IRAK2: variants seen among roughly 807,000 people sequenced by gnomAD.
IRAK2 encodes interleukin-1 receptor-associated kinase-like 2.
IRAK2 carries 57 observed loss-of-function variants against 72.0 expected under a neutral mutation model. The ratio of observed to expected loss-of-function variants is 0.79; its 90% CI spans 0.64 to 0.99. IRAK2 has a LOEUF of 0.99. IRAK2 is among the 50% of genes least tolerant of loss of function. The pLI, the probability that IRAK2 is intolerant of heterozygous loss-of-function variation, is 0.00. For missense variants in IRAK2, 790 were observed against 794.4 expected, an observed-to-expected ratio of 0.99 and a Z score of 0.07; for synonymous variants, 293 against 312.7, an observed-to-expected ratio of 0.94 and a Z score of 0.67.
chr3:10,178,829 G>A (rs1696917975), intron 2 of IRAK2, among the ~76,000 whole-genome samples: 1 of 152,102 alleles, frequency 6.6e-6, no homozygotes, highest in Non-Finnish European at 1.5e-5. Context: ...TTGAGACAGG[G>A]TCGTGCTCTG....
intron 6 of IRAK2, among the ~76,000 whole-genome samples, chr3:10,213,976 T>C (rs1412561183): frequency 6.6e-6 from 1 of 152,068 alleles, no homozygotes; most frequent in Non-Finnish European, 1.5e-5. Flanking sequence ...TCTCCCAGGC[T>C]GGAGTGCAGT....
At chr3:10,200,320 T>C (rs766661342) in intron 2 of IRAK2, 49 bp from the exon 3 acceptor site, 1 of 1,505,130 alleles carries the variant, frequency 6.6e-7, no homozygotes, top group Non-Finnish European at 9.0e-7. Context: ...TCTCAATGGC[T>C]ACCCCACTTC....
intron 9 of IRAK2, 64 bp from the exon 10 acceptor site, chr3:10,226,307 A>G (rs981079631): frequency 1.5e-6 from 2 of 1,366,792 alleles, no homozygotes; most frequent in South Asian, 2.4e-5. Context: ...AGAAGACAGA[A>G]TCTGCTGCCT....
Position 10,213,334 on chromosome 3 carries a change from G to A in IRAK2, c.656G>A (p.Gly219Glu), listed in dbSNP as rs1435674751. Residue 219 changes from glycine to glutamate, a missense_variant, in exon 5 of 13, where the codon GGG (glycine) becomes GAG (glutamate). Transcript: ENST00000256458. Reference protein sequence around the residue: ...DFNQNRKISQGTFADVYRGHR... With the variant: ...DFNQNRKISQETFADVYRGHR... ...AATCAAAACCGCAAAATCAGCCAGG[G>A]GACCTTTGCTGACGTCTACAGAGGG... is the stretch of plus-strand genomic sequence containing the variant. 2 of 1,613,982 alleles carry A rather than the reference G, an allele frequency of 1.2e-6. No homozygotes were observed. The highest frequency in any genetic ancestry group is 2.7e-5 in the African/African-American group (2 of 74,898).
chr3:10,200,855 C>T (rs1697348665), intron 3 of IRAK2, among the ~76,000 whole-genome samples: 1 of 152,196 alleles, frequency 6.6e-6, no homozygotes, highest in South Asian at 2.1e-4. Flanking sequence ...GAGCTATGAT[C>T]ACACCACTGC....
intron 3 of IRAK2, among the ~76,000 whole-genome samples, chr3:10,202,272 G>C (rs1697370834): frequency 6.6e-6 from 1 of 152,216 alleles, no homozygotes; most frequent in South Asian, 2.1e-4. Context: ...CAGGATGGAA[G>C]AGGTAATAGG....
At chr3:10,240,531 T>G (rs111901236) in intron 12 of IRAK2, among the ~76,000 whole-genome samples, 1,028 of 52,600 alleles carry the variant, frequency 0.02, 48 homozygotes, top group African/African-American at 0.089. Flanking sequence ...AATAAAAAAT[T>G]AGGAAGCCCC....
intron 8 of IRAK2, among the ~76,000 whole-genome samples, chr3:10,220,684 A>T (rs1697674143): frequency 6.6e-6 from 1 of 151,504 alleles, no homozygotes; most frequent in South Asian, 2.1e-4. Context: ...CAGGTGATCC[A>T]CCCGCCTTGG....
chr3:10,239,325 A>G (rs563856104), intron 12 of IRAK2, among the ~76,000 whole-genome samples: 1 of 152,088 alleles, frequency 6.6e-6, no homozygotes, highest in Non-Finnish European at 1.5e-5. Context: ...TCCTGTCCTC[A>G]GGGGACTGCA....
At chr3:10,172,852 A>AG (rs1696819506) in intron 1 of IRAK2, among the ~76,000 whole-genome samples, 1 of 148,608 alleles carries the variant, frequency 6.7e-6, no homozygotes, top group African/African-American at 2.5e-5. Flanking sequence ...AAAAAAAAAA[A>AG]AAAAAAAAAG....
intron 12 of IRAK2, among the ~76,000 whole-genome samples, chr3:10,240,426 C>T (rs1698034118): frequency 6.6e-6 from 1 of 150,648 alleles, no homozygotes; most frequent in South Asian, 2.1e-4. Flanking sequence ...CACTGCACTC[C>T]AGCCTGGGTG....
At chr3:10,205,215 C>A (rs1697417203) in intron 3 of IRAK2, among the ~76,000 whole-genome samples, 1 of 152,058 alleles carries the variant, frequency 6.6e-6, no homozygotes, top group Admixed American at 6.6e-5. Context: ...CAGTGGGGGC[C>A]TTTAAAGATT....
At chr3:10,241,566 G>GATAAATAAATAAATAA (rs61019391) in intron 12 of IRAK2, among the ~76,000 whole-genome samples, 19,921 of 131,508 alleles carry the variant, frequency 0.15, 2,395 homozygotes, top group East Asian at 0.63. Flanking sequence ...CTCAACAAAT[G>GATAAATAAATAAATAA]ATAAATAAAT....
intron 7 of IRAK2, 47 bp downstream of exon 7, chr3:10,217,095 GC>G (rs1697617434): frequency 7.3e-7 from 1 of 1,368,920 alleles, no homozygotes; most frequent in East Asian, 2.3e-5. Context: ...GCTGCACCCA[GC>G]CATGGGGTCA....
chr3:10,228,755 G>A (rs931282033), intron 10 of IRAK2, among the ~76,000 whole-genome samples: 2 of 152,138 alleles, frequency 1.3e-5, no homozygotes, highest in African/African-American at 4.8e-5. Context: ...CAGGGTAGGA[G>A]GAAGCAGGCC....
chr3:10,242,279 C>A lies in IRAK2; in HGVS notation c.*51C>A. On this transcript the variant is annotated 3_prime_UTR_variant, in exon 13 of 13. Transcript: ENST00000256458. ...TGTCCTCAGTTGGAAAGATGAGCATCAGATCAAGAAAAAGGTCTGAGGCAG... is the reference window on the plus strand; with the variant it reads ...TGTCCTCAGTTGGAAAGATGAGCATAAGATCAAGAAAAAGGTCTGAGGCAG... 2 of 1,105,470 alleles carry A rather than the reference C, an allele frequency of 1.8e-6. No individual in the cohort carries two copies. The highest frequency in any genetic ancestry group is 2.1e-5 in the Admixed American group (1 of 47,186). 68.5% of individuals were successfully genotyped at this position (1,105,470 alleles called of 1,614,324 possible).
intron 2 of IRAK2, among the ~76,000 whole-genome samples, chr3:10,188,954 C>T (rs1697129034): frequency 6.6e-6 from 1 of 152,366 alleles, no homozygotes; most frequent in Admixed American, 6.5e-5. Context: ...AGCCACTGCG[C>T]CTGGCCTAAA....
At position 10,242,441 on chromosome 3, in the gene IRAK2, TTTCTG is replaced by T. The variant is rs1362387873; in HGVS notation, c.*214_*218del. 2.7e-6 allele frequency: 1 copy of T among 366,516 alleles called. No homozygotes were observed. Among genetic ancestry groups the T allele is most frequent in the East Asian group, 4.5e-5 (1 of 22,208 alleles). 22.7% of individuals were successfully genotyped at this position (366,516 alleles called of 1,614,324 possible). Reference sequence around the variant, plus strand: ...CACAAAAATCCATGAAGTCTCTTCCTTTCTGGGCTTTGTTAGTCAGAGCAGGGGAT... The same window carrying T: ...CACAAAAATCCATGAAGTCTCTTCCTGGCTTTGTTAGTCAGAGCAGGGGAT... On this transcript the variant is annotated 3_prime_UTR_variant, in exon 13 of 13. Coordinates refer to ENST00000256458, the MANE Select transcript of IRAK2 (RefSeq NM_001570.4).
chr3:10,183,955 C>T (rs1329756655), intron 2 of IRAK2, among the ~76,000 whole-genome samples: 1 of 152,182 alleles, frequency 6.6e-6, no homozygotes, highest in Admixed American at 6.6e-5. Flanking sequence ...TTTCCCTCTC[C>T]TGTGACTGCC....
Sources: allele counts gnomAD v4.1 joint callset (sites outside exome capture counted in the v4.1 genomes callset), GRCh38; gene constraint gnomAD v4.1.1; transcripts MANE v1.5; gene names NCBI Gene and HGNC (gene_info 2026-07-23, HGNC 2026-07-21).